CDIN1: variants seen among roughly 807,000 people sequenced by gnomAD.
The protein encoded by CDIN1 is CDAN1 interacting nuclease 1.
CDIN1 carries 33 observed loss-of-function variants against 45.3 expected under a neutral mutation model. That is an observed-to-expected ratio of 0.73 (90% CI 0.55 to 0.97). The LOEUF (loss-of-function observed/expected upper bound fraction) is 0.97. Among genes scored for constraint, CDIN1 ranks in the 50% least tolerant of loss-of-function variants. The probability of loss-of-function intolerance (pLI) is 0.00; values close to 1 mark genes in which losing one functional copy is unlikely to be tolerated. For synonymous variants in CDIN1, 118 were observed against 124.4 expected (o/e 0.95, Z 0.34); for missense variants, 303 against 339.4 (o/e 0.89, Z 0.84).
Position 36,774,163 on chromosome 15 carries a change from T to TGTGTGTGTGTGTGTGCGCGCGC in CDIN1, c.717-34160_717-34159insTGTGTGTGTGTGTGCGCGCGCG, listed in dbSNP as rs149222188. Among the ~76,000 whole-genome samples the TGTGTGTGTGTGTGTGCGCGCGC allele has an allele frequency of 2.1e-3, 296 of 143,122 alleles. 1 individual carries two copies. The highest frequency in any genetic ancestry group is 7.6e-3 in the African/African-American group (286 of 37,710). The allele number at this position is 143,122 out of a possible 152,430, so 93.9% of individuals were successfully genotyped here. The stretch of plus-strand genomic sequence containing the variant: ...GTGTGTGTGTGTGTGTGTGTGTGTG[T>TGTGTGTGTGTGTGTGCGCGCGC]GCGCGCGCGCGCATGCATGAGGGGA... On this transcript the variant is annotated intron_variant, in intron 10 of 10. Transcript: ENST00000566621.
At chr15:36,757,639 C>T (rs796690157) in intron 10 of CDIN1, among the ~76,000 whole-genome samples, 10 of 152,300 alleles carry the variant, frequency 6.6e-5, no homozygotes, top group African/African-American at 1.9e-4. Flanking sequence ...TTGCCCAGCA[C>T]ATCCATGCTG....
At chr15:36,733,974 A>G (rs1418356634) in intron 10 of CDIN1, among the ~76,000 whole-genome samples, 1 of 152,150 alleles carries the variant, frequency 6.6e-6, no homozygotes. Context: ...TCATGTTAAT[A>G]TATTAATAGG....
intron 5 of CDIN1, among the ~76,000 whole-genome samples, chr15:36,663,318 C>T (rs1555391188): frequency 1.3e-5 from 2 of 152,128 alleles, no homozygotes; most frequent in Non-Finnish European, 2.9e-5. Flanking sequence ...AGCAGAGTGA[C>T]TTGATGAGAG....
rs576832829 is a variant in CDIN1 at position 36,589,543 on chromosome 15, C to T, written c.101+9582C>T. ...TTTTTTGAGACGGAGTCTTGCTCTGCTTCCCAGGCTGGAGTGCAGTGGCGC... is the reference window on the plus strand; with the variant it reads ...TTTTTTGAGACGGAGTCTTGCTCTGTTTCCCAGGCTGGAGTGCAGTGGCGC... On this transcript the variant is annotated intron_variant, in intron 1 of 10. Coordinates refer to ENST00000566621, the MANE Select transcript of CDIN1 (RefSeq NM_001321759.2). 2.7e-3 allele frequency among the ~76,000 whole-genome samples: 411 copies of T among 150,474 alleles called. 2 individuals are homozygous for T. The highest frequency in any genetic ancestry group is 9.2e-3 in the African/African-American group (378 of 40,900).
At chr15:36,707,803 A>G (rs908394332) in intron 8 of CDIN1, 2 of 152,204 alleles carry the variant, frequency 1.3e-5, no homozygotes, top group African/African-American at 2.4e-5. Context: ...TGGTCAGAGT[A>G]TAGTTACAGA....
At chr15:36,791,432 T>C (rs866832655) in intron 10 of CDIN1, among the ~76,000 whole-genome samples, 1 of 152,206 alleles carries the variant, frequency 6.6e-6, no homozygotes, top group African/African-American at 2.4e-5. Context: ...TTTAAACTTA[T>C]AGTTTGGCAA....
chr15:36,793,971 C>T (rs2141097151), intron 10 of CDIN1, among the ~76,000 whole-genome samples: 1 of 149,432 alleles, frequency 6.7e-6, no homozygotes, highest in South Asian at 2.1e-4. Context: ...GTTAAAAATG[C>T]TCTTCTATTT....
chr15:36,767,973 C>G (rs1595574396), intron 10 of CDIN1, among the ~76,000 whole-genome samples: 1 of 152,236 alleles, frequency 6.6e-6, no homozygotes, highest in Admixed American at 6.5e-5. Context: ...TAGGAAACCA[C>G]CTAAGGAAGA....
chr15:36,776,409 G>A (rs532847146), intron 10 of CDIN1, among the ~76,000 whole-genome samples: 9 of 152,252 alleles, frequency 5.9e-5, no homozygotes, highest in Middle Eastern at 3.4e-3. Context: ...AGCACCTACC[G>A]TGTTGATCAG....
chr15:36,635,427 A>C (rs371739899), intron 1 of CDIN1, among the ~76,000 whole-genome samples: 4 of 152,318 alleles, frequency 2.6e-5, no homozygotes, highest in African/African-American at 9.6e-5. Flanking sequence ...TATTTGCAAG[A>C]CGTGAAACCT....
intron 1 of CDIN1, among the ~76,000 whole-genome samples, chr15:36,638,117 A>G (rs1466264927): frequency 1.3e-5 from 2 of 152,182 alleles, no homozygotes; most frequent in Non-Finnish European, 1.5e-5. Context: ...TAATTTTTAA[A>G]AAGGAATATA....
intron 1 of CDIN1, among the ~76,000 whole-genome samples, chr15:36,616,935 A>G (rs1186229230): frequency 6.6e-6 from 1 of 152,040 alleles, no homozygotes. Context: ...AAAAAAATAT[A>G]TATATATATA....
At chr15:36,694,538 G>A (rs2042356556) in intron 7 of CDIN1, among the ~76,000 whole-genome samples, 1 of 152,092 alleles carries the variant, frequency 6.6e-6, no homozygotes. Context: ...AGAAAGCACA[G>A]TTAGCAAAGA....
At position 36,709,828 on chromosome 15, in the gene CDIN1, C is replaced by T. The variant is rs762034244; in HGVS notation, c.611-28C>T. The T allele has an allele frequency of 8.9e-6, 14 of 1,571,904 alleles. 1 individual carries two copies. The highest frequency in any genetic ancestry group is 4.5e-5 in the East Asian group (2 of 44,622). ...ATTTTCAATCTTCCCCTCCCTTCTC[C>T]GTATATTAGTAATGCTTTGTCCCTT... On this transcript the variant is annotated intron_variant, in intron 9 of 10. Coordinates refer to ENST00000566621, the MANE Select transcript of CDIN1 (RefSeq NM_001321759.2).
At chr15:36,604,178 C>G (rs750143068) in intron 1 of CDIN1, among the ~76,000 whole-genome samples, 19 of 152,066 alleles carry the variant, frequency 1.2e-4, no homozygotes, top group African/African-American at 1.7e-4. Context: ...GGGAGTTACA[C>G]ACCACTATGT....
intron 1 of CDIN1, among the ~76,000 whole-genome samples, chr15:36,602,827 A>G (rs2038173543): frequency 6.6e-6 from 1 of 152,056 alleles, no homozygotes; most frequent in Admixed American, 6.6e-5. Context: ...AAAAAAATAT[A>G]TATACAAAAA....
At chr15:36,752,160 TTGA>T (rs1168158511) in intron 10 of CDIN1, among the ~76,000 whole-genome samples, 1 of 152,168 alleles carries the variant, frequency 6.6e-6, no homozygotes, top group Non-Finnish European at 1.5e-5. Context: ...GAAATAAAAG[TTGA>T]TGAATAAAAA....
At chr15:36,784,203 T>TA (rs2054429161) in intron 10 of CDIN1, among the ~76,000 whole-genome samples, 1 of 152,188 alleles carries the variant, frequency 6.6e-6, no homozygotes, top group South Asian at 2.1e-4. Flanking sequence ...AAATAACACT[T>TA]ACCGGCTTAC....
chr15:36,703,604 C>A (rs2042755611), intron 8 of CDIN1, among the ~76,000 whole-genome samples: 1 of 151,832 alleles, frequency 6.6e-6, no homozygotes, highest in Non-Finnish European at 1.5e-5. Context: ...AGAAAATTAA[C>A]TACAGGCTAG....
Sources: allele counts gnomAD v4.1 joint callset (sites outside exome capture counted in the v4.1 genomes callset), GRCh38; gene constraint gnomAD v4.1.1; transcripts MANE v1.5; gene names NCBI Gene and HGNC (gene_info 2026-07-23, HGNC 2026-07-21).